ILDR2: variants seen among roughly 807,000 people sequenced by gnomAD.
ILDR2 encodes the protein immunoglobulin like domain containing receptor 2, also known as immunoglobulin-like domain-containing receptor 2.
Under a neutral mutation model 66.8 loss-of-function variants are expected in ILDR2, and 25 were observed. The observed-to-expected ratio is 0.37, with a 90% CI of 0.27 to 0.52. The LOEUF is 0.52. Ranked by LOEUF, ILDR2 falls within the 20% of genes least tolerant of loss-of-function variation. The pLI, the probability that ILDR2 is intolerant of heterozygous loss-of-function variation, is 0.88. For synonymous variants in ILDR2, 367 were observed against 357.2 expected (o/e 1.03, Z -0.31); for missense variants, 827 against 876.8 (o/e 0.94, Z 0.72).
chr1:166,922,628 C>G lies in ILDR2; in HGVS notation c.1176G>C (p.Glu392Asp), dbSNP rs141384247. 76 of 1,614,060 alleles carry G rather than the reference C, an allele frequency of 4.7e-5. No individual in the cohort carries two copies. The African/African-American group carries it at 9.9e-4, about 21-fold the overall frequency. ...AGCTCTCTCGATCCTCTTTGTTATA[C>G]TCCATGGCTGAGGGCCCGCGGCTTG... ...SGASRGPSAM[E>D]YNKEDRESFR... Residue 392 changes from glutamate (E) to aspartate (D), a missense_variant, in exon 8 of 10, where the codon GAG becomes GAC. Physicochemically the swap from Glu to Asp is conservative, Grantham distance 45 (BLOSUM62 2). Around this residue, in one of 2 missense-constraint regions of ILDR2, gnomAD observed 437 missense variants for 523.2 expected, o/e 0.84. Coordinates refer to ENST00000271417, the MANE Select transcript of ILDR2 (RefSeq NM_199351.3).
chr1:166,927,282 A>T, intron 6 of ILDR2, 102 bp from the exon 7 acceptor site: 1 of 720,230 alleles, frequency 1.4e-6, no homozygotes, highest in Non-Finnish European at 2.4e-6. Context: ...TCCAATTATA[A>T]CAACTCTTTT....
chr1:166,947,104 A>C (rs1242398622), intron 3 of ILDR2, among the ~76,000 whole-genome samples: 2 of 152,232 alleles, frequency 1.3e-5, no homozygotes, highest in Admixed American at 1.3e-4. Flanking sequence ...AGAGCGAATA[A>C]ATACAAAATA....
At chr1:166,945,139 C>T (rs1457049188) in intron 3 of ILDR2, among the ~76,000 whole-genome samples, 1 of 152,190 alleles carries the variant, frequency 6.6e-6, no homozygotes, top group Non-Finnish European at 1.5e-5. Context: ...ATTCATGCAG[C>T]ATTATTCTAT....
At chr1:166,946,337 C>A (rs1661610297) in intron 3 of ILDR2, among the ~76,000 whole-genome samples, 1 of 152,038 alleles carries the variant, frequency 6.6e-6, no homozygotes, top group African/African-American at 2.4e-5. Context: ...CATATGTTTA[C>A]TTTTTCTTTC....
rs1663534080 is a variant in ILDR2 at position 166,975,392 on chromosome 1, G to T, written c.-124C>A. 4.8e-6 allele frequency: 2 copies of T among 419,842 alleles called. No individual in the cohort carries two copies. Among genetic ancestry groups the T allele is most frequent in the Non-Finnish European group, 6.5e-6 (2 of 306,540 alleles). The allele number at this position is 419,842 out of a possible 1,614,324, so 26.0% of individuals were successfully genotyped here. A position where few individuals can be genotyped will look rare whatever the true frequency, so the allele number is the denominator to read the frequency against. ...CGGCGGGCACCGGGCGTCCCTGGGC[G>T]CAGCGCCCGCCGGGCCGGCCGCGCA... On this transcript the variant is annotated 5_prime_UTR_variant, in exon 1 of 10. It introduces an in-frame stop codon into an upstream open reading frame of the 5' UTR. Transcript: ENST00000271417.
At chr1:166,961,653 C>G (rs1662626985) in intron 1 of ILDR2, among the ~76,000 whole-genome samples, 1 of 152,072 alleles carries the variant, frequency 6.6e-6, no homozygotes, top group Non-Finnish European at 1.5e-5. Context: ...AGATTGTATC[C>G]TAAGTATTTA....
rs1360124646 is a variant in ILDR2, at chr1:166,913,892, G to A, written c.*5463C>T. 1.3e-5 allele frequency: 2 copies of A among 152,276 alleles called. No individual in the cohort carries two copies. Among genetic ancestry groups the A allele is most frequent in the Non-Finnish European group, 2.9e-5 (2 of 68,126 alleles). 9.4% of individuals were successfully genotyped at this position (152,276 alleles called of 1,614,324 possible). A position where few individuals can be genotyped will look rare whatever the true frequency, so the allele number is the denominator to read the frequency against. On this transcript the variant is annotated 3_prime_UTR_variant, in exon 10 of 10. Coordinates refer to ENST00000271417, the MANE Select transcript of ILDR2 (RefSeq NM_199351.3). ...AGCACTTTAGGCAGCCAAGGTGGGA[G>A]GATCACTTGAGGCCAGGAGTTTGAG... is the stretch of plus-strand genomic sequence containing the variant.
At chr1:166,963,042 T>G (rs968555910) in intron 1 of ILDR2, among the ~76,000 whole-genome samples, 4 of 152,194 alleles carry the variant, frequency 2.6e-5, no homozygotes, top group Non-Finnish European at 5.9e-5. Flanking sequence ...AGCTCTTTTT[T>G]TATAAACTCA....
Position 166,974,769 on chromosome 1 carries a change from G to A in ILDR2, c.46+454C>T, listed in dbSNP as rs561124085. Reference sequence around the variant, plus strand: ...CTCCTTCTCTAGGGAAGAAATTAAGGAGACAGTCCTCTAGCCTCCACCTCC... The same window carrying A: ...CTCCTTCTCTAGGGAAGAAATTAAGAAGACAGTCCTCTAGCCTCCACCTCC... On this transcript the variant is annotated intron_variant, in intron 1 of 9. Transcript: ENST00000271417. Among the ~76,000 whole-genome samples, 11 of 152,192 alleles carry A rather than the reference G, an allele frequency of 7.2e-5. No individual in the cohort carries two copies. In the South Asian group the frequency reaches 2.3e-3, roughly 32 times the overall value.
chr1:166,947,396 C>G (rs1314020501), intron 3 of ILDR2, among the ~76,000 whole-genome samples: 2 of 152,244 alleles, frequency 1.3e-5, no homozygotes, highest in Non-Finnish European at 2.9e-5. Flanking sequence ...TGTCAGAGTT[C>G]CTGCCCTTTC....
At chr1:166,944,437 C>G (rs1032716303) in intron 3 of ILDR2, among the ~76,000 whole-genome samples, 14 of 152,206 alleles carry the variant, frequency 9.2e-5, no homozygotes, top group Non-Finnish European at 1.8e-4. Flanking sequence ...TTCTGTGCCA[C>G]AAGAACTATT....
chr1:166,975,540 C>CCCCGCCGCAGAG (rs1663544914), upstream of ILDR2: 1 of 148,230 alleles, frequency 6.7e-6, no homozygotes, highest in South Asian at 2.0e-4. Context: ...GCGAGCGTCT[C>CCCCGCCGCAGAG]CCCGCCGCAG....
At chr1:166,907,219 C>A (rs1162878355), downstream of ILDR2, 1 of 152,174 alleles carries the variant, frequency 6.6e-6, no homozygotes, top group Non-Finnish European at 1.5e-5. Context: ...TGATGAGTTC[C>A]TTGGAATGAG....
chr1:166,960,471 C>T (rs1238008220), intron 1 of ILDR2, among the ~76,000 whole-genome samples: 1 of 152,178 alleles, frequency 6.6e-6, no homozygotes, highest in Non-Finnish European at 1.5e-5. Flanking sequence ...GACTCATTTT[C>T]CTCACCTATA....
chr1:166,948,046 C>T (rs1571168904), intron 3 of ILDR2, among the ~76,000 whole-genome samples: 1 of 152,154 alleles, frequency 6.6e-6, no homozygotes, highest in East Asian at 1.9e-4. Flanking sequence ...ACCCCCACCT[C>T]TTTGCTGGGC....
At chr1:166,961,774 A>G (rs2101997400) in intron 1 of ILDR2, among the ~76,000 whole-genome samples, 1 of 152,336 alleles carries the variant, frequency 6.6e-6, no homozygotes, top group South Asian at 2.1e-4. Flanking sequence ...AGAGCTACGC[A>G]AGTACAGAGA....
At chr1:166,934,879 T>G (rs1293832368) in intron 6 of ILDR2, among the ~76,000 whole-genome samples, 1 of 152,230 alleles carries the variant, frequency 6.6e-6, no homozygotes, top group East Asian at 1.9e-4. Flanking sequence ...AGCATACTCT[T>G]TAGCATCTGA....
rs377136623 is a variant in ILDR2, at chr1:166,920,847, C to T, written c.1744G>A (p.Asp582Asn). The T allele has an allele frequency of 2.0e-6, 3 of 1,510,342 alleles. No homozygotes were observed. Among genetic ancestry groups the T allele is most frequent in the Admixed American group, 2.1e-5 (1 of 48,020 alleles). The allele number at this position is 1,510,342 out of a possible 1,614,324, so 93.6% of individuals were successfully genotyped here. ...GTYKAGSSQD[D>N]QEDASDDALP... ...GCGTCGTCGGACGCGTCCTCCTGGTCGTCCTGCGACGAGCCGGCCTTGTAG... is the reference window on the plus strand; with the variant it reads ...GCGTCGTCGGACGCGTCCTCCTGGTTGTCCTGCGACGAGCCGGCCTTGTAG... Residue 582 changes from aspartate to asparagine, a missense_variant, in exon 9 of 10, where the codon GAC (aspartate) becomes AAC (asparagine). This residue lies in a region of ILDR2 where 390 missense variants were observed against 353.6 expected (regional missense o/e 1.10). Coordinates refer to ENST00000271417, the MANE Select transcript of ILDR2 (RefSeq NM_199351.3).
chr1:166,969,872 G>A (rs1663178158), intron 1 of ILDR2, among the ~76,000 whole-genome samples: 1 of 152,172 alleles, frequency 6.6e-6, no homozygotes, highest in Admixed American at 6.5e-5. Flanking sequence ...GATATCATGG[G>A]CTTGGACAAG....
Sources: gnomAD v4.1 joint callset for allele counts (sites outside exome capture counted in the v4.1 genomes callset) on GRCh38, gnomAD v4.1.1 for gene constraint, gnomAD v4.1.1 regional missense constraint, MANE v1.5 for transcripts, NCBI Gene and HGNC (gene_info 2026-07-23, HGNC 2026-07-21) for gene names.